LRBA: variants seen among roughly 807,000 people sequenced by gnomAD.
LRBA encodes LPS responsive beige-like anchor protein, also known as lipopolysaccharide-responsive and beige-like anchor protein.
LRBA carries 176 observed loss-of-function variants against 330.0 expected under a neutral mutation model. That is an observed-to-expected ratio of 0.53 (90% confidence interval 0.47 to 0.60). The LOEUF (loss-of-function observed/expected upper bound fraction) is 0.60, where lower values mean the gene tolerates loss of function less well. Ranked by LOEUF, LRBA falls within the 20% of genes least tolerant of loss-of-function variation. The pLI is 0.00. For missense variants in LRBA, 3,259 were observed against 3,444.8 expected (o/e 0.95, Z 1.35); for synonymous variants, 1,230 against 1,193.0 (o/e 1.03, Z -0.64).
intron 31 of LRBA, among the ~76,000 whole-genome samples, chr4:150,814,100 T>G (rs912271261): frequency 6.6e-6 from 1 of 152,078 alleles, no homozygotes; most frequent in African/African-American, 2.4e-5. Context: ...ATACGGATAC[T>G]TGAGGTACAG....
At chr4:150,445,437 A>G (rs1393049485) in intron 44 of LRBA, among the ~76,000 whole-genome samples, 1 of 146,226 alleles carries the variant, frequency 6.8e-6, no homozygotes, top group Non-Finnish European at 1.5e-5. Flanking sequence ...ACATATATAT[A>G]TGTTGTTTTG....
At chr4:150,927,783 G>A (rs1243348997) in intron 4 of LRBA, among the ~76,000 whole-genome samples, 1 of 152,108 alleles carries the variant, frequency 6.6e-6, no homozygotes, top group Non-Finnish European at 1.5e-5. Flanking sequence ...AAATTAGACA[G>A]TAAACTGGAG....
chr4:150,771,188 C>A (rs1424046058), intron 34 of LRBA, among the ~76,000 whole-genome samples: 1 of 152,134 alleles, frequency 6.6e-6, no homozygotes, highest in Admixed American at 6.6e-5. Context: ...GCTATTGGGT[C>A]ACTAGAGGTA....
intron 10 of LRBA, 80 bp from the exon 11 acceptor site, chr4:150,908,547 C>G: frequency 3.4e-6 from 5 of 1,460,464 alleles, no homozygotes; most frequent in South Asian, 2.6e-5. Context: ...ACAATAAATG[C>G]AGAAACACTA....
chr4:150,947,527 A>C (rs1338246043), intron 2 of LRBA, among the ~76,000 whole-genome samples: 3 of 152,078 alleles, frequency 2.0e-5, no homozygotes, highest in Admixed American at 6.5e-5. Context: ...ACAAAAAAAA[A>C]CTTCAACTTG....
intron 2 of LRBA, among the ~76,000 whole-genome samples, chr4:150,954,895 A>C (rs182862195): frequency 6.8e-6 from 1 of 148,098 alleles, no homozygotes; most frequent in African/African-American, 2.6e-5. Context: ...ACTAGAAATC[A>C]TAACAGAAAG....
chr4:150,921,542 T>G (rs972038702), intron 4 of LRBA, among the ~76,000 whole-genome samples: 2 of 152,188 alleles, frequency 1.3e-5, no homozygotes, highest in Non-Finnish European at 2.9e-5. Flanking sequence ...CCTGAAACTC[T>G]TCTCCAAGCT....
chr4:150,282,692 AGAC>A (rs1356572641), intron 54 of LRBA, 46 bp from the exon 55 acceptor site: 1 of 1,283,236 alleles, frequency 7.8e-7, no homozygotes, highest in Non-Finnish European at 1.1e-6. Context: ...GAATGAAAAC[AGAC>A]AATATGATCT....
intron 16 of LRBA, among the ~76,000 whole-genome samples, chr4:150,895,774 T>C (rs1430725370): frequency 2.0e-5 from 3 of 152,320 alleles, no homozygotes; most frequent in Non-Finnish European, 4.4e-5. Context: ...GGTAGCATGA[T>C]TTATAATCCT....
chr4:150,346,214 T>G (rs550442708), intron 48 of LRBA, among the ~76,000 whole-genome samples: 3 of 152,116 alleles, frequency 2.0e-5, no homozygotes, highest in Non-Finnish European at 2.9e-5. Context: ...GAATATCAAA[T>G]ACCTACCATA....
chr4:150,268,140 C>G (rs1745607290), intron 56 of LRBA, among the ~76,000 whole-genome samples: 1 of 151,290 alleles, frequency 6.6e-6, no homozygotes, highest in South Asian at 2.1e-4. Context: ...AAACTGAGTT[C>G]AGAGAGACTA....
intron 22 of LRBA, among the ~76,000 whole-genome samples, chr4:150,861,157 G>C (rs1276103687): frequency 1.3e-5 from 2 of 151,984 alleles, no homozygotes; most frequent in Non-Finnish European, 2.9e-5. Flanking sequence ...GAGTCCAGTG[G>C]CACAATCATA....
intron 35 of LRBA, among the ~76,000 whole-genome samples, chr4:150,751,063 A>G (rs1050570689): frequency 1.3e-5 from 2 of 152,164 alleles, no homozygotes; most frequent in African/African-American, 4.8e-5. Context: ...AATATTCTCA[A>G]GCATCTAAAT....
intron 34 of LRBA, among the ~76,000 whole-genome samples, chr4:150,787,396 G>A (rs771912762): frequency 1.6e-4 from 24 of 151,846 alleles, no homozygotes; most frequent in African/African-American, 5.3e-4. Context: ...TTTTTAACAC[G>A]AGATATAGAA....
At chr4:150,361,681 A>C (rs1273139721) in intron 47 of LRBA, among the ~76,000 whole-genome samples, 1 of 152,116 alleles carries the variant, frequency 6.6e-6, no homozygotes, top group African/African-American at 2.4e-5. Flanking sequence ...GGTATAACCC[A>C]GGCTAGATGA....
intron 34 of LRBA, among the ~76,000 whole-genome samples, chr4:150,791,895 G>A (rs192407678): frequency 1.9e-4 from 29 of 151,794 alleles, no homozygotes; most frequent in African/African-American, 6.8e-4. Context: ...CAGGTGTGGT[G>A]GTGGGCGCCT....
intron 34 of LRBA, among the ~76,000 whole-genome samples, chr4:150,770,626 C>T (rs1247536653): frequency 6.6e-6 from 1 of 150,928 alleles, no homozygotes; most frequent in Non-Finnish European, 1.5e-5. Flanking sequence ...TATACACACA[C>T]AAAATAAGAA....
chr4:150,808,666 A>T (rs1053757468), intron 31 of LRBA, among the ~76,000 whole-genome samples: 2 of 152,218 alleles, frequency 1.3e-5, no homozygotes, highest in Non-Finnish European at 2.9e-5. Context: ...TCCCTAAATA[A>T]GGTTCACAAT....
intron 2 of LRBA, among the ~76,000 whole-genome samples, chr4:150,965,907 C>A (rs1015233751): frequency 6.6e-6 from 1 of 151,928 alleles, no homozygotes; most frequent in Non-Finnish European, 1.5e-5. Context: ...ATAATGTATG[C>A]TGGAAACAAG....
Sources: gnomAD v4.1 joint callset for allele counts (sites outside exome capture counted in the v4.1 genomes callset) on GRCh38, gnomAD v4.1.1 for gene constraint, MANE v1.5 for transcripts, NCBI Gene and HGNC (gene_info 2026-07-23, HGNC 2026-07-21) for gene names.